DYRK1A: variants seen among roughly 807,000 people sequenced by gnomAD.
DYRK1A encodes dual specificity tyrosine-phosphorylation-regulated kinase 1A.
A neutral mutation model predicts 79.7 loss-of-function variants in DYRK1A; 9 were observed. The ratio of observed to expected loss-of-function variants is 0.11; its 90% confidence interval spans 0.07 to 0.20. DYRK1A has a LOEUF of 0.20. DYRK1A is among the 10% of genes least tolerant of loss of function. The pLI is 1.00. For synonymous variants in DYRK1A, 349 were observed against 329.7 expected, an observed-to-expected ratio of 1.06 and a Z score of -0.63; for missense variants, 622 against 956.0, an observed-to-expected ratio of 0.65 and a Z score of 4.61.
intron 1 of DYRK1A, among the ~76,000 whole-genome samples, chr21:37,383,789 A>G (rs539833131): frequency 2.6e-5 from 4 of 151,954 alleles, no homozygotes; most frequent in Non-Finnish European, 5.9e-5. Flanking sequence ...AAAAGTGATA[A>G]ATGCCATGAA....
In DYRK1A at chr21:37,506,110, G is replaced by C; in HGVS notation, c.1531G>C (p.Gly511Arg). Residue 511 changes from glycine (G) to arginine (R), a missense_variant, in exon 11 of 12, where the codon GGG becomes CGG. Coordinates refer to ENST00000647188, the MANE Select transcript of DYRK1A (RefSeq NM_001347721.2). Reference sequence around the variant, plus strand: ...TTGTGATATTTCAGGTGGCTCATCGGGGACAAGCAACAGTGGGAGAGCCCG... The same window carrying C: ...TTGTGATATTTCAGGTGGCTCATCGCGGACAAGCAACAGTGGGAGAGCCCG... ...STSSSSGGSS[G>R]TSNSGRARSD... 6.2e-7 allele frequency: 1 copy of C among 1,611,210 alleles called. No individual in the cohort carries two copies. The highest frequency in any genetic ancestry group is 1.3e-5 in the African/African-American group (1 of 74,990).
Position 37,519,852 on chromosome 21 carries a change from C to A in DYRK1A, c.*7321C>A, listed in dbSNP as rs553776698. 6.6e-6 allele frequency: 1 copy of A among 151,422 alleles called. No homozygotes were observed. Among genetic ancestry groups the A allele is most frequent in the Admixed American group, 6.6e-5 (1 of 15,172 alleles). The allele number at this position is 151,422 out of a possible 1,614,324, so 9.4% of individuals were successfully genotyped here. On this transcript the variant is annotated 3_prime_UTR_variant, in exon 12 of 12. Coordinates refer to ENST00000647188, the MANE Select transcript of DYRK1A (RefSeq NM_001347721.2). Reference sequence around the variant, plus strand: ...CGCCTCCTGGGTTCACGCCATTCGCCTGCCTCAGCCTCCAGAGTAGCTGGG... The same window carrying A: ...CGCCTCCTGGGTTCACGCCATTCGCATGCCTCAGCCTCCAGAGTAGCTGGG...
intron 1 of DYRK1A, among the ~76,000 whole-genome samples, chr21:37,375,405 C>A (rs1402381825): frequency 6.6e-6 from 1 of 151,416 alleles, no homozygotes; most frequent in African/African-American, 2.4e-5. Context: ...TTACTACTTT[C>A]CTTTTAGGTT....
At chr21:37,472,008 A>G (rs981259700) in intron 2 of DYRK1A, among the ~76,000 whole-genome samples, 1 of 152,172 alleles carries the variant, frequency 6.6e-6, no homozygotes, top group Non-Finnish European at 1.5e-5. Context: ...CATGGATATC[A>G]TGATCATGGT....
At position 37,367,313 on chromosome 21, in the gene DYRK1A, C is replaced by G. The variant is rs928275695; in HGVS notation, c.-392C>G. ...GGAAGAAGCCGCCGGCAGCAGCCGC[C>G]GCTCGGCGCCCGGCCTCGCCGACGC... On this transcript the variant is annotated 5_prime_UTR_variant, in exon 1 of 12. Transcript: ENST00000647188. The G allele has an allele frequency of 6.7e-6, 1 of 149,968 alleles. No individual in the cohort carries two copies. Among genetic ancestry groups the G allele is most frequent in the African/African-American group, 2.4e-5 (1 of 41,104 alleles). The allele number at this position is 149,968 out of a possible 1,614,324, so 9.3% of individuals were successfully genotyped here.
chr21:37,484,684 C>G (rs1246833319), intron 5 of DYRK1A, among the ~76,000 whole-genome samples: 1 of 152,154 alleles, frequency 6.6e-6, no homozygotes, highest in African/African-American at 2.4e-5. Flanking sequence ...TGTAGCCATA[C>G]AGGCTGCTCT....
chr21:37,477,426 C>G (rs1432918659), intron 3 of DYRK1A, among the ~76,000 whole-genome samples: 7 of 152,184 alleles, frequency 4.6e-5, no homozygotes, highest in Admixed American at 1.3e-4. Context: ...GACAGCAATC[C>G]AGGATCATTG....
chr21:37,486,778 A>G, intron 6 of DYRK1A, 164 bp downstream of exon 6: 1 of 584,714 alleles, frequency 1.7e-6, no homozygotes, highest in Non-Finnish European at 2.7e-6. Context: ...TTGATCTGGT[A>G]GTAATAGTCT....
chr21:37,516,980 A>G lies in DYRK1A; in HGVS notation c.*4449A>G, dbSNP rs1424298134. 6.6e-6 allele frequency: 1 copy of G among 152,124 alleles called. No homozygotes were observed. The highest frequency in any genetic ancestry group is 1.5e-5 in the Non-Finnish European group (1 of 68,028). The allele number at this position is 152,124 out of a possible 1,614,324, so 9.4% of individuals were successfully genotyped here. A position where few individuals can be genotyped will look rare whatever the true frequency, so the allele number is the denominator to read the frequency against. ...CCCCATAATTTCCCATCTTTAGGGT[A>G]TGTCCCTGTTATCAGGTGTGGAATT... On this transcript the variant is annotated 3_prime_UTR_variant, in exon 12 of 12. Coordinates refer to ENST00000647188, the MANE Select transcript of DYRK1A (RefSeq NM_001347721.2).
At chr21:37,479,621 T>TTTTG (rs1569362449) in intron 4 of DYRK1A, among the ~76,000 whole-genome samples, 2 of 104,194 alleles carry the variant, frequency 1.9e-5, no homozygotes, top group Non-Finnish European at 3.6e-5. Flanking sequence ...TGTTTTTTGT[T>TTTTG]TTTTTTTTTT....
At chr21:37,433,524 TTC>T (rs1173663077) in intron 2 of DYRK1A, among the ~76,000 whole-genome samples, 3 of 152,340 alleles carry the variant, frequency 2.0e-5, no homozygotes, top group Admixed American at 2.0e-4. Flanking sequence ...TCCCTTTTAT[TTC>T]TCTCTTACCT....
intron 2 of DYRK1A, among the ~76,000 whole-genome samples, chr21:37,461,586 A>G (rs1569343453): frequency 6.6e-6 from 1 of 152,130 alleles, no homozygotes; most frequent in East Asian, 1.9e-4. Context: ...AAATTCTTTC[A>G]CTTTCATGGG....
At chr21:37,368,522 A>G (rs12483205) in intron 1 of DYRK1A, among the ~76,000 whole-genome samples, 33,030 of 152,162 alleles carry the variant, frequency 0.22, 3,766 homozygotes, top group Non-Finnish European at 0.23. Flanking sequence ...TAATCTGGGC[A>G]CAGCGCAGGA....
At chr21:37,473,496 C>T (rs2835762) in intron 3 of DYRK1A, among the ~76,000 whole-genome samples, 17,148 of 151,924 alleles carry the variant, frequency 0.11, 1,190 homozygotes, top group Non-Finnish European at 0.16. Context: ...TTAACTGCAC[C>T]GTCTACGTTG....
intron 1 of DYRK1A, among the ~76,000 whole-genome samples, chr21:37,386,142 G>C (rs974330840): frequency 2.0e-5 from 3 of 151,926 alleles, no homozygotes; most frequent in African/African-American, 7.3e-5. Flanking sequence ...TTCAAACCAG[G>C]CCTTAGTTTC....
intron 1 of DYRK1A, among the ~76,000 whole-genome samples, chr21:37,416,596 G>T (rs2050347007): frequency 6.6e-6 from 1 of 151,862 alleles, no homozygotes. Context: ...ACTTTCTTCT[G>T]TCACTTCTTT....
chr21:37,508,505 A>C (rs1024701568), intron 11 of DYRK1A, among the ~76,000 whole-genome samples: 1 of 152,126 alleles, frequency 6.6e-6, no homozygotes, highest in Non-Finnish European at 1.5e-5. Context: ...CAGGCTGGTC[A>C]TGAACTCCCG....
chr21:37,480,543 A>G, intron 4 of DYRK1A, 95 bp from the exon 5 acceptor site: 6 of 947,574 alleles, frequency 6.3e-6, no homozygotes, highest in Non-Finnish European at 9.2e-6. Context: ...TCAAATGTCA[A>G]CTGTAGAAAA....
chr21:37,390,879 T>A (rs1200545163), intron 1 of DYRK1A, among the ~76,000 whole-genome samples: 1 of 152,204 alleles, frequency 6.6e-6, no homozygotes, highest in Non-Finnish European at 1.5e-5. Flanking sequence ...CTGTTACTGT[T>A]TTTCAACTGT....
Sources: gnomAD v4.1 joint callset for allele counts (sites outside exome capture counted in the v4.1 genomes callset) on GRCh38, gnomAD v4.1.1 for gene constraint, MANE v1.5 for transcripts, NCBI Gene and HGNC (gene_info 2026-07-23, HGNC 2026-07-21) for gene names.